The following RHOH variants were observed in gnomAD, a reference collection of about 807,000 sequenced individuals.
RHOH encodes rho-related GTP-binding protein RhoH.
A neutral mutation model predicts 13.8 loss-of-function variants in RHOH; 6 were observed. That is an observed-to-expected ratio of 0.44 (90% CI 0.24 to 0.86). The LOEUF (loss-of-function observed/expected upper bound fraction) is 0.86. Among genes scored for constraint, RHOH ranks in the 40% least tolerant of loss-of-function variants. RHOH has a pLI of 0.24. For missense variants in RHOH, 147 were observed against 244.5 expected (o/e 0.60, Z 2.66); for synonymous variants, 117 against 103.0 (o/e 1.14, Z -0.82).
intron 1 of RHOH, among the ~76,000 whole-genome samples, chr4:40,222,441 C>T (rs1055777177): frequency 1.3e-5 from 2 of 152,198 alleles, no homozygotes; most frequent in Non-Finnish European, 2.9e-5. Context: ...ACCATTCCAA[C>T]AGATCCTAGG....
chr4:40,195,675 G>C (rs1035322801), upstream of RHOH, among the ~76,000 whole-genome samples: 1 of 151,980 alleles, frequency 6.6e-6, no homozygotes, highest in Non-Finnish European at 1.5e-5. Flanking sequence ...CGAACTCCTA[G>C]GTTCAAGCAA....
upstream of RHOH, among the ~76,000 whole-genome samples, chr4:40,193,473 T>TGAGAGTGAGAGA (rs1172816326): frequency 2.6e-5 from 1 of 38,710 alleles, no homozygotes; most frequent in Non-Finnish European, 4.2e-5. Context: ...GTTAAAAGAA[T>TGAGAGTGAGAGA]GAGAGCGAGA....
chr4:40,203,048 T>TGCAA (rs1724205300), intron 1 of RHOH, among the ~76,000 whole-genome samples: 1 of 152,214 alleles, frequency 6.6e-6, no homozygotes, highest in African/African-American at 2.4e-5. Flanking sequence ...CTTGGCTCAC[T>TGCAA]GCAAGCTCCG....
chr4:40,210,700 G>A (rs369138595), intron 1 of RHOH, among the ~76,000 whole-genome samples: 9 of 152,296 alleles, frequency 5.9e-5, no homozygotes, highest in South Asian at 4.1e-4. Context: ...GTGGTGGGGC[G>A]TAGATGGGGT....
chr4:40,200,853 C>T (rs1379070464), intron 1 of RHOH, among the ~76,000 whole-genome samples: 1 of 152,188 alleles, frequency 6.6e-6, no homozygotes, highest in African/African-American at 2.4e-5. Context: ...CAAGCGAAAG[C>T]ACCAAATCAC....
chr4:40,233,282 T>C (rs1579319537), intron 1 of RHOH, among the ~76,000 whole-genome samples: 2 of 152,216 alleles, frequency 1.3e-5, no homozygotes, highest in South Asian at 2.1e-4. Flanking sequence ...GTAGGCACCG[T>C]TATTATTGCC....
chr4:40,229,114 A>G (rs1054036596), intron 1 of RHOH, among the ~76,000 whole-genome samples: 1 of 152,066 alleles, frequency 6.6e-6, no homozygotes, highest in Non-Finnish European at 1.5e-5. Flanking sequence ...ATTGAAGCGC[A>G]AGATTTTCTT....
intron 1 of RHOH, among the ~76,000 whole-genome samples, chr4:40,207,161 G>A (rs1254029999): frequency 6.6e-6 from 1 of 151,210 alleles, no homozygotes; most frequent in African/African-American, 2.4e-5. Flanking sequence ...AGCAGAGATC[G>A]TGCCACTGCA....
rs373259026 is a variant in RHOH, at chr4:40,214,900, C to T, written c.-331+17600C>T. On this transcript the variant is annotated intron_variant, in intron 1 of 2. Coordinates refer to ENST00000381799, the MANE Select transcript of RHOH (RefSeq NM_004310.5). ...AGCTTGGCTTTCCAATGGCTCTCCC[C>T]GTGGGGAAAGAATACACAGGCTGTG... Among the ~76,000 whole-genome samples, 8 of 152,234 alleles carry T rather than the reference C, an allele frequency of 5.3e-5. No individual in the cohort carries two copies. The South Asian group carries it at 6.2e-4, about 12-fold the overall frequency.
rs115320159 is a variant in RHOH, at chr4:40,224,440, C to T, written c.-330-18274C>T. ...TGGAATTGCTGGATTAAAAGGTCTCCGCATTTAAAAGTTTAATAGATACTG... is the reference window on the plus strand; with the variant it reads ...TGGAATTGCTGGATTAAAAGGTCTCTGCATTTAAAAGTTTAATAGATACTG... On this transcript the variant is annotated intron_variant, in intron 1 of 2. Transcript: ENST00000381799. Among the ~76,000 whole-genome samples the T allele has an allele frequency of 4.4e-3, 666 of 152,294 alleles. 7 individuals carry two copies. The highest frequency in any genetic ancestry group is 0.015 in the African/African-American group (633 of 41,556).
intron 1 of RHOH, among the ~76,000 whole-genome samples, chr4:40,216,868 T>A (rs1229505735): frequency 6.6e-6 from 1 of 152,194 alleles, no homozygotes; most frequent in African/African-American, 2.4e-5. Flanking sequence ...TAGAAGATGA[T>A]CTTTCAGATT....
At position 40,214,612 on chromosome 4, in the gene RHOH, A is replaced by G. The variant is rs571926830; in HGVS notation, c.-331+17312A>G. ...GATTAGAGTCCTCTGGAGAAGTTGG[A>G]TTCATATGAAGAGATACTAATCAGA... On this transcript the variant is annotated intron_variant, in intron 1 of 2. Coordinates refer to ENST00000381799, the MANE Select transcript of RHOH (RefSeq NM_004310.5). Among the ~76,000 whole-genome samples, 35 of 152,300 alleles carry G rather than the reference A, an allele frequency of 2.3e-4. No individual in the cohort carries two copies. In the South Asian group the frequency reaches 6.6e-3, roughly 29 times the overall value.
Position 40,226,228 on chromosome 4 carries a change from A to G in RHOH, c.-330-16486A>G, listed in dbSNP as rs530813890. On this transcript the variant is annotated intron_variant, in intron 1 of 2. Coordinates refer to ENST00000381799, the MANE Select transcript of RHOH (RefSeq NM_004310.5). ...ATACTGCTGCTCAGCAAGGGAGATG[A>G]AAATCTAACCGTGACTGTCTGGGTG... 2.0e-5 allele frequency among the ~76,000 whole-genome samples: 3 copies of G among 152,298 alleles called. No homozygotes were observed. The East Asian group carries it at 5.8e-4, about 29-fold the overall frequency.
chr4:40,225,711 A>G (rs1485104135), intron 1 of RHOH, among the ~76,000 whole-genome samples: 8 of 152,196 alleles, frequency 5.3e-5, no homozygotes, highest in Non-Finnish European at 4.4e-5. Flanking sequence ...ACCCACCAGC[A>G]GAAAAATGTA....
At chr4:40,241,513 T>C (rs1729239673) in intron 1 of RHOH, among the ~76,000 whole-genome samples, 1 of 152,208 alleles carries the variant, frequency 6.6e-6, no homozygotes, top group Non-Finnish European at 1.5e-5. Flanking sequence ...ATATGTATCA[T>C]GTGAATTATT....
intron 1 of RHOH, among the ~76,000 whole-genome samples, chr4:40,206,890 CT>C (rs1724705162): frequency 6.6e-6 from 1 of 152,074 alleles, no homozygotes; most frequent in Admixed American, 6.5e-5. Context: ...TTGTATACAT[CT>C]TATTTGTAAG....
At chr4:40,200,441 G>A (rs1723820862) in intron 1 of RHOH, 2 of 152,090 alleles carry the variant, frequency 1.3e-5, no homozygotes, top group Non-Finnish European at 2.9e-5. Flanking sequence ...CAGCCCTCAC[G>A]TGAGGTCCAG....
At chr4:40,235,151 AT>A (rs1289554564) in intron 1 of RHOH, 6 of 152,226 alleles carry the variant, frequency 3.9e-5, no homozygotes, top group African/African-American at 1.4e-4. Context: ...TGGTAACCTT[AT>A]TTTTAAAAAT....
intron 1 of RHOH, among the ~76,000 whole-genome samples, chr4:40,241,238 G>T (rs1729212341): frequency 6.6e-6 from 1 of 152,152 alleles, no homozygotes; most frequent in African/African-American, 2.4e-5. Context: ...AAGAGTCCAG[G>T]TAAACATTTG....
Sources: gnomAD v4.1 joint callset for allele counts (sites outside exome capture counted in the v4.1 genomes callset) on GRCh38, gnomAD v4.1.1 for gene constraint, MANE v1.5 for transcripts, NCBI Gene and HGNC (gene_info 2026-07-23, HGNC 2026-07-21) for gene names.